The following CNTN1 variants were observed in gnomAD, a reference collection of about 807,000 sequenced individuals.
The protein encoded by CNTN1 is contactin-1.
A neutral mutation model predicts 126.4 loss-of-function variants in CNTN1; 38 were observed. That is an observed-to-expected ratio of 0.30 (90% CI 0.23 to 0.39). The LOEUF (loss-of-function observed/expected upper bound fraction) is 0.39, where lower values mean the gene tolerates loss of function less well. CNTN1 is among the 10% of genes least tolerant of loss of function. The probability of loss-of-function intolerance (pLI) is 1.00; values close to 1 mark genes in which losing one functional copy is unlikely to be tolerated. For missense variants in CNTN1, 1,009 were observed against 1,248.4 expected, an observed-to-expected ratio of 0.81 and a Z score of 2.89; for synonymous variants, 413 against 422.6, an observed-to-expected ratio of 0.98 and a Z score of 0.28.
chr12:40,963,047 A>G (rs1947162283), intron 15 of CNTN1, among the ~76,000 whole-genome samples: 1 of 152,116 alleles, frequency 6.6e-6, no homozygotes, highest in Non-Finnish European at 1.5e-5. Context: ...CAGATTATCT[A>G]CTCTGAAATA....
At chr12:40,776,486 G>T (rs1367345589) in intron 1 of CNTN1, among the ~76,000 whole-genome samples, 1 of 151,364 alleles carries the variant, frequency 6.6e-6, no homozygotes, top group East Asian at 1.9e-4. Context: ...GTGAAATACT[G>T]TGGGGTCAAT....
At chr12:40,747,196 G>T (rs1247051411) in intron 1 of CNTN1, among the ~76,000 whole-genome samples, 1 of 151,986 alleles carries the variant, frequency 6.6e-6, no homozygotes, top group Non-Finnish European at 1.5e-5. Context: ...CTCACTGGGT[G>T]CATAGTTTAC....
chr12:41,049,251 C>T (rs1190836558), intron 23 of CNTN1, among the ~76,000 whole-genome samples: 2 of 152,160 alleles, frequency 1.3e-5, no homozygotes, highest in African/African-American at 4.8e-5. Flanking sequence ...CATGCAGTCT[C>T]GAGGCTTTAA....
intron 17 of CNTN1, among the ~76,000 whole-genome samples, chr12:41,011,957 T>G (rs1948666839): frequency 6.6e-6 from 1 of 152,100 alleles, no homozygotes; most frequent in Non-Finnish European, 1.5e-5. Flanking sequence ...TAAAATTTGG[T>G]TTTGGAGGAC....
intron 1 of CNTN1, among the ~76,000 whole-genome samples, chr12:40,889,688 T>TA (rs1307476321): frequency 1.3e-5 from 2 of 152,022 alleles, no homozygotes; most frequent in Non-Finnish European, 2.9e-5. Flanking sequence ...TTATGAGTAT[T>TA]AAAAAAAGAT....
At chr12:40,793,079 A>C (rs1940280901) in intron 1 of CNTN1, among the ~76,000 whole-genome samples, 1 of 152,042 alleles carries the variant, frequency 6.6e-6, no homozygotes, top group African/African-American at 2.4e-5. Flanking sequence ...AGAGTCTAAC[A>C]ATCTTAAAGG....
At chr12:41,025,883 T>A (rs1397811223) in intron 21 of CNTN1, among the ~76,000 whole-genome samples, 1 of 152,208 alleles carries the variant, frequency 6.6e-6, no homozygotes, top group East Asian at 1.9e-4. Flanking sequence ...TTTTGATATC[T>A]CTGTTCTTGA....
In CNTN1 at chr12:41,025,134, T is replaced by C; in HGVS notation, c.2524-16T>C. The stretch of plus-strand genomic sequence containing the variant: ...CTAAATCATGGCAAAATATAACTCA[T>C]CCTGAATGTTTGCAGATTCGGTATT... On this transcript the variant is annotated splice_polypyrimidine_tract_variant and intron_variant, in intron 20 of 23. Transcript: ENST00000551295. The C allele has an allele frequency of 6.2e-7, 1 of 1,613,350 alleles. No homozygotes were observed. The highest frequency in any genetic ancestry group is 8.5e-7 in the Non-Finnish European group (1 of 1,179,630).
intron 5 of CNTN1, among the ~76,000 whole-genome samples, chr12:40,923,241 C>A (rs1333154692): frequency 2.0e-5 from 3 of 151,880 alleles, no homozygotes; most frequent in South Asian, 4.2e-4. Context: ...TTAATTAGGG[C>A]TAATAATGAA....
intron 14 of CNTN1, among the ~76,000 whole-genome samples, chr12:40,948,952 C>T (rs1306182210): frequency 1.3e-5 from 2 of 152,118 alleles, no homozygotes; most frequent in East Asian, 3.9e-4. Flanking sequence ...TGTGTGTTTG[C>T]AGGTATGTGG....
chr12:41,016,595 G>T, intron 18 of CNTN1, 87 bp from the exon 19 acceptor site: 1 of 824,998 alleles, frequency 1.2e-6, no homozygotes, highest in Non-Finnish European at 2.1e-6. Context: ...CAAAGAGCAC[G>T]CCTCCGTGTG....
At chr12:40,779,284 G>T (rs1939703684) in intron 1 of CNTN1, among the ~76,000 whole-genome samples, 1 of 151,762 alleles carries the variant, frequency 6.6e-6, no homozygotes, top group Admixed American at 6.6e-5. Flanking sequence ...GTCTGTTTGT[G>T]TGAATTTATT....
chr12:41,007,676 T>C (rs906426680), intron 17 of CNTN1, among the ~76,000 whole-genome samples: 3 of 152,196 alleles, frequency 2.0e-5, no homozygotes, highest in Admixed American at 6.5e-5. Context: ...TGATCAGGTA[T>C]GACGTTCACA....
chr12:41,030,650 T>G (rs1009957015), intron 23 of CNTN1, among the ~76,000 whole-genome samples: 2 of 152,132 alleles, frequency 1.3e-5, no homozygotes, highest in African/African-American at 4.8e-5. Context: ...TTTTCTATCA[T>G]AAATAATACT....
rs1172748971 is a variant in CNTN1 at position 41,071,737 on chromosome 12, C to A, written c.*1702C>A. The A allele has an allele frequency of 6.6e-6, 1 of 152,042 alleles. No homozygotes were observed. The highest frequency in any genetic ancestry group is 1.5e-5 in the Non-Finnish European group (1 of 68,002). 9.4% of individuals were successfully genotyped at this position (152,042 alleles called of 1,614,324 possible). A position where few individuals can be genotyped will look rare whatever the true frequency, so the allele number is the denominator to read the frequency against. On this transcript the variant is annotated 3_prime_UTR_variant, in exon 24 of 24. Coordinates refer to ENST00000551295, the MANE Select transcript of CNTN1 (RefSeq NM_001843.4). Reference sequence around the variant, plus strand: ...TATGTCAACAGTCTTAAGATCATTGCCAGATTTCATAAAATATTTAAGTAT... The same window carrying A: ...TATGTCAACAGTCTTAAGATCATTGACAGATTTCATAAAATATTTAAGTAT...
chr12:41,038,044 G>C (rs1797982), intron 23 of CNTN1, among the ~76,000 whole-genome samples: 8,068 of 152,074 alleles, frequency 0.053, 505 homozygotes, highest in Admixed American at 0.15. Flanking sequence ...TGTAATCCCA[G>C]CTACTCAGGA....
chr12:40,784,116 G>T (rs1479586527), intron 1 of CNTN1, among the ~76,000 whole-genome samples: 1 of 152,072 alleles, frequency 6.6e-6, no homozygotes, highest in African/African-American at 2.4e-5. Context: ...TTTTGACTGG[G>T]TGGTTCAGGA....
chr12:40,835,586 G>C (rs1942017659), intron 1 of CNTN1, among the ~76,000 whole-genome samples: 1 of 151,954 alleles, frequency 6.6e-6, no homozygotes, highest in South Asian at 2.1e-4. Context: ...GCCTGAAACT[G>C]TGTTGTTTTA....
intron 1 of CNTN1, among the ~76,000 whole-genome samples, chr12:40,696,160 G>T (rs1391480512): frequency 6.6e-6 from 1 of 152,192 alleles, no homozygotes; most frequent in Non-Finnish European, 1.5e-5. Flanking sequence ...AATAATAGAA[G>T]TGCTATTGTA....
Sources: allele counts gnomAD v4.1 joint callset (sites outside exome capture counted in the v4.1 genomes callset), GRCh38; gene constraint gnomAD v4.1.1; transcripts MANE v1.5; gene names NCBI Gene and HGNC (gene_info 2026-07-23, HGNC 2026-07-21).